The following NTM variants were observed in gnomAD, a reference collection of about 807,000 sequenced individuals.
NTM encodes IgLON family member 2.
A neutral mutation model predicts 42.1 loss-of-function variants in NTM; 13 were observed. The observed-to-expected ratio is 0.31, with a 90% CI of 0.20 to 0.49. NTM has a LOEUF of 0.49. NTM is among the 20% of genes least tolerant of loss of function. The pLI, the probability that NTM is intolerant of heterozygous loss-of-function variation, is 0.99. For missense variants in NTM, 373 were observed against 452.8 expected, an observed-to-expected ratio of 0.82 and a Z score of 1.60; for synonymous variants, 187 against 179.2, an observed-to-expected ratio of 1.04 and a Z score of -0.35.
At chr11:132,300,536 G>A (rs1484417207) in intron 4 of NTM, among the ~76,000 whole-genome samples, 4 of 152,170 alleles carry the variant, frequency 2.6e-5, no homozygotes, top group African/African-American at 9.7e-5. Context: ...TTCAACCATT[G>A]CTCCAGCCTA....
intron 1 of NTM, among the ~76,000 whole-genome samples, chr11:131,899,800 A>G (rs2052858499): frequency 1.3e-5 from 2 of 152,120 alleles, no homozygotes; most frequent in Admixed American, 1.3e-4. Context: ...TATTTTAGCT[A>G]GAGTTTGGTC....
chr11:132,275,736 G>GTA (rs1491307251), intron 4 of NTM, among the ~76,000 whole-genome samples: 2 of 37,714 alleles, frequency 5.3e-5, no homozygotes, highest in Non-Finnish European at 1.0e-4. Flanking sequence ...GTATATATAC[G>GTA]TATATATATA....
At chr11:131,572,088 C>T (rs754683023) in intron 1 of NTM, among the ~76,000 whole-genome samples, 8 of 152,218 alleles carry the variant, frequency 5.3e-5, no homozygotes, top group Non-Finnish European at 8.8e-5. Context: ...CACATCAGGT[C>T]AACCCACGGT....
intron 1 of NTM, among the ~76,000 whole-genome samples, chr11:131,760,517 A>G (rs1425156692): frequency 6.6e-6 from 1 of 152,130 alleles, no homozygotes; most frequent in Non-Finnish European, 1.5e-5. Context: ...TCACGGATTT[A>G]TGGAGTCCTT....
intron 1 of NTM, among the ~76,000 whole-genome samples, chr11:131,594,794 G>A (rs546055939): frequency 1.3e-5 from 2 of 152,258 alleles, no homozygotes; most frequent in East Asian, 3.9e-4. Flanking sequence ...GCTCTGGCTT[G>A]TTCACCTGCA....
intron 1 of NTM, among the ~76,000 whole-genome samples, chr11:131,553,984 TC>T (rs1190920253): frequency 6.6e-6 from 1 of 152,202 alleles, no homozygotes; most frequent in Non-Finnish European, 1.5e-5. Flanking sequence ...CCTTTGTTCC[TC>T]CTCTTTGCCT....
chr11:132,194,855 C>G (rs1257748615), intron 3 of NTM, among the ~76,000 whole-genome samples: 1 of 137,726 alleles, frequency 7.3e-6, no homozygotes, highest in Admixed American at 7.6e-5. Flanking sequence ...CAGGGTCTCA[C>G]TCTGTCACCC....
intron 2 of NTM, among the ~76,000 whole-genome samples, chr11:132,010,181 A>G (rs1284836724): frequency 1.3e-5 from 2 of 152,194 alleles, no homozygotes; most frequent in Non-Finnish European, 2.9e-5. Flanking sequence ...CTTACTCTCT[A>G]TTTGGAACTA....
At position 131,702,607 on chromosome 11, in the gene NTM, G is replaced by A. The variant is rs116919044; in HGVS notation, c.83-208957G>A. ...GAGAGCAGCAGCACCAGACAAACAG[G>A]AAGAAATGAACCATCTCTCTAATAG... On this transcript the variant is annotated intron_variant, in intron 1 of 8. Transcript: ENST00000683400. 3.8e-3 allele frequency among the ~76,000 whole-genome samples: 575 copies of A among 152,258 alleles called. 3 individuals carry two copies. Among genetic ancestry groups the A allele is most frequent in the Middle Eastern group, 0.02 (6 of 294 alleles).
intron 1 of NTM, among the ~76,000 whole-genome samples, chr11:131,673,642 G>T (rs141796276): frequency 2.4e-3 from 369 of 152,260 alleles, no homozygotes; most frequent in African/African-American, 8.0e-3. Flanking sequence ...CTGCAAAAAT[G>T]CTCTTCCATC....
chr11:132,222,721 C>A (rs1037090978), intron 4 of NTM, among the ~76,000 whole-genome samples: 1 of 152,126 alleles, frequency 6.6e-6, no homozygotes, highest in African/African-American at 2.4e-5. Context: ...CTTATTCTAC[C>A]CAACAGTGGT....
chr11:132,066,727 C>A (rs931520535), intron 2 of NTM, among the ~76,000 whole-genome samples: 1 of 151,998 alleles, frequency 6.6e-6, no homozygotes, highest in Non-Finnish European at 1.5e-5. Context: ...ATTCACATTG[C>A]TTTCTCTTCT....
chr11:132,303,832 T>A lies in NTM; in HGVS notation c.527-3857T>A, dbSNP rs77835598. Among the ~76,000 whole-genome samples, 280 of 152,158 alleles carry A rather than the reference T, an allele frequency of 1.8e-3. 2 individuals carry two copies. The highest frequency in any genetic ancestry group is 5.9e-3 in the African/African-American group (245 of 41,492). Reference sequence around the variant, plus strand: ...GGCAGTGGTGGCGTGGTATACCAGTTGTTTAGACTAAGTTCTACAGAGGGC... The same window carrying A: ...GGCAGTGGTGGCGTGGTATACCAGTAGTTTAGACTAAGTTCTACAGAGGGC... On this transcript the variant is annotated intron_variant, in intron 4 of 8. Coordinates refer to ENST00000683400, the MANE Select transcript of NTM (RefSeq NM_001352005.2).
intron 1 of NTM, among the ~76,000 whole-genome samples, chr11:131,896,406 G>A (rs1215896395): frequency 2.0e-5 from 3 of 152,158 alleles, no homozygotes; most frequent in South Asian, 2.1e-4. Flanking sequence ...GTATGGAAGC[G>A]TCTATATGCA....
chr11:132,211,216 C>A (rs1215707161), intron 3 of NTM, among the ~76,000 whole-genome samples: 1 of 152,164 alleles, frequency 6.6e-6, no homozygotes, highest in Non-Finnish European at 1.5e-5. Flanking sequence ...CCAGTCTGGG[C>A]ACATGGCAAA....
At chr11:132,302,047 G>GT (rs1311712512) in intron 4 of NTM, among the ~76,000 whole-genome samples, 7 of 152,170 alleles carry the variant, frequency 4.6e-5, no homozygotes. Flanking sequence ...CCAAAGGGAT[G>GT]TTATGCACAC....
intron 1 of NTM, among the ~76,000 whole-genome samples, chr11:131,664,154 A>C (rs542490682): frequency 1.6e-4 from 25 of 152,346 alleles, no homozygotes; most frequent in African/African-American, 5.8e-4. Context: ...AGCTGGGCCC[A>C]GATTTAGAAG....
chr11:132,312,046 C>T (rs1353325942), intron 6 of NTM, among the ~76,000 whole-genome samples: 3 of 152,172 alleles, frequency 2.0e-5, no homozygotes, highest in African/African-American at 4.8e-5. Flanking sequence ...TCAGTTTTCC[C>T]TTCCCTGCAC....
chr11:131,428,757 G>A (rs1948397370), intron 1 of NTM, among the ~76,000 whole-genome samples: 1 of 152,052 alleles, frequency 6.6e-6, no homozygotes, highest in Admixed American at 6.6e-5. Flanking sequence ...AATAAATTCT[G>A]GGGGTGATGG....
Sources: allele counts gnomAD v4.1 joint callset (sites outside exome capture counted in the v4.1 genomes callset), GRCh38; gene constraint gnomAD v4.1.1; transcripts MANE v1.5; gene names NCBI Gene and HGNC (gene_info 2026-07-23, HGNC 2026-07-21).